The following SUCLG2 variants were observed in gnomAD, a reference collection of about 807,000 sequenced individuals.
SUCLG2 encodes the protein succinate--CoA ligase [GDP-forming] subunit beta, mitochondrial.
SUCLG2 carries 42 observed loss-of-function variants against 47.9 expected under a neutral mutation model. The observed-to-expected ratio is 0.88, with a 90% CI of 0.69 to 1.14. The LOEUF (loss-of-function observed/expected upper bound fraction) is 1.14, where lower values mean the gene tolerates loss of function less well. Among genes scored for constraint, SUCLG2 ranks in the 50% most tolerant of loss-of-function variants. SUCLG2 has a pLI of 0.00. For synonymous variants in SUCLG2, 195 were observed against 197.3 expected (o/e 0.99, Z 0.10); for missense variants, 571 against 525.9 (o/e 1.09, Z -0.84).
chr3:67,585,496 G>A, intron 2 of SUCLG2, among the ~76,000 whole-genome samples: 1 of 152,174 alleles, frequency 6.6e-6, no homozygotes, highest in Admixed American at 6.5e-5. Flanking sequence ...ATGATGCTTA[G>A]AGAGCAGGCA....
chr3:67,504,555 AGAATTCTTAATCTCTAGAC>A (rs1352699400), intron 7 of SUCLG2, among the ~76,000 whole-genome samples: 18 of 152,348 alleles, frequency 1.2e-4, no homozygotes, highest in South Asian at 6.2e-4. Flanking sequence ...CCCCAAAGCA[AGAATTCTTAATCTCTAGAC>A]TATGGACAGA....
intron 1 of SUCLG2, among the ~76,000 whole-genome samples, chr3:67,629,105 G>C (rs1293934838): frequency 6.6e-6 from 1 of 152,214 alleles, no homozygotes; most frequent in South Asian, 2.1e-4. Flanking sequence ...AATATGAAGA[G>C]AGGCTGAGCA....
At chr3:67,618,322 G>C (rs1033889490) in intron 1 of SUCLG2, among the ~76,000 whole-genome samples, 2 of 152,126 alleles carry the variant, frequency 1.3e-5, no homozygotes, top group East Asian at 1.9e-4. Flanking sequence ...GGGAGGCGGG[G>C]ACAGGAAAAT....
At chr3:67,484,174 T>C (rs1271319939) in intron 9 of SUCLG2, among the ~76,000 whole-genome samples, 2 of 152,216 alleles carry the variant, frequency 1.3e-5, no homozygotes, top group African/African-American at 4.8e-5. Context: ...GGCTGCTGGA[T>C]GGAACCTCAT....
intron 2 of SUCLG2, among the ~76,000 whole-genome samples, chr3:67,595,067 A>G (rs901582733): frequency 6.6e-6 from 1 of 152,224 alleles, no homozygotes; most frequent in African/African-American, 2.4e-5. Context: ...ATGAAATTAC[A>G]AGCCTTTAGT....
intron 1 of SUCLG2, among the ~76,000 whole-genome samples, chr3:67,643,301 T>C (rs1219397577): frequency 6.6e-6 from 1 of 152,158 alleles, no homozygotes; most frequent in East Asian, 1.9e-4. Flanking sequence ...GGGTAAATCA[T>C]TATCTTACTT....
intron 2 of SUCLG2, among the ~76,000 whole-genome samples, chr3:67,577,078 T>C (rs924768711): frequency 3.3e-5 from 5 of 152,306 alleles, no homozygotes; most frequent in Admixed American, 1.3e-4. Flanking sequence ...CTCACACCTG[T>C]AATCCCAGCA....
intron 9 of SUCLG2, among the ~76,000 whole-genome samples, chr3:67,441,350 A>G (rs1269540618): frequency 6.6e-6 from 1 of 151,444 alleles, no homozygotes; most frequent in African/African-American, 2.4e-5. Context: ...CATTCTGCAC[A>G]TGTATCTCAG....
intron 9 of SUCLG2, among the ~76,000 whole-genome samples, chr3:67,443,099 A>G (rs1703812822): frequency 6.6e-6 from 1 of 152,238 alleles, no homozygotes; most frequent in African/African-American, 2.4e-5. Context: ...CATAGCAAGT[A>G]CATTGTATGA....
intron 2 of SUCLG2, among the ~76,000 whole-genome samples, chr3:67,547,191 C>T (rs765315737): frequency 1.3e-5 from 2 of 152,160 alleles, no homozygotes; most frequent in African/African-American, 2.4e-5. Flanking sequence ...CCTTCTACCA[C>T]GTGAGGACAC....
chr3:67,550,477 G>C (rs1383072740), intron 2 of SUCLG2, among the ~76,000 whole-genome samples: 10 of 152,028 alleles, frequency 6.6e-5, no homozygotes, highest in African/African-American at 2.4e-4. Context: ...ACTGGGAGTA[G>C]CTGAGAACAC....
At chr3:67,591,690 T>C (rs548592927) in intron 2 of SUCLG2, among the ~76,000 whole-genome samples, 2 of 152,284 alleles carry the variant, frequency 1.3e-5, no homozygotes, top group South Asian at 4.1e-4. Flanking sequence ...AATTAAATCT[T>C]TTTTTCTTCC....
In SUCLG2 at chr3:67,410,522, G is replaced by A. The variant is rs543490833; in HGVS notation, c.1063-9671C>T. ...CTATTTTTTTACAGCCATAGTTCCC[G>A]TATCCTTTTGAACTGAGAATCAGAA... is the stretch of plus-strand genomic sequence containing the variant. On this transcript the variant is annotated intron_variant, in intron 9 of 10. Coordinates refer to ENST00000307227, the MANE Select transcript of SUCLG2 (RefSeq NM_003848.4). Among the ~76,000 whole-genome samples the A allele has an allele frequency of 2.6e-3, 390 of 152,218 alleles. 1 individual carries two copies. Among genetic ancestry groups the A allele is most frequent in the African/African-American group, 9.0e-3 (372 of 41,546 alleles).
intron 6 of SUCLG2, among the ~76,000 whole-genome samples, chr3:67,516,388 T>C (rs1317523415): frequency 2.0e-5 from 3 of 152,136 alleles, no homozygotes; most frequent in African/African-American, 7.2e-5. Flanking sequence ...ACTCTTAATT[T>C]TCTCGTATAA....
chr3:67,620,895 A>T (rs1038663959), intron 1 of SUCLG2, among the ~76,000 whole-genome samples: 1 of 152,222 alleles, frequency 6.6e-6, no homozygotes, highest in Non-Finnish European at 1.5e-5. Context: ...GCAAATACAG[A>T]GTTTAGACTT....
intron 1 of SUCLG2, among the ~76,000 whole-genome samples, chr3:67,642,601 C>G (rs1187535125): frequency 1.3e-5 from 2 of 152,170 alleles, no homozygotes; most frequent in Non-Finnish European, 2.9e-5. Flanking sequence ...GATGACACAA[C>G]AAGACCCCAT....
At chr3:67,467,879 T>C (rs934560775) in intron 9 of SUCLG2, among the ~76,000 whole-genome samples, 2 of 152,076 alleles carry the variant, frequency 1.3e-5, no homozygotes, top group Admixed American at 6.5e-5. Flanking sequence ...GGAATTCCAA[T>C]CAAGGCTTAC....
At chr3:67,537,215 C>A (rs1041419016) in intron 2 of SUCLG2, among the ~76,000 whole-genome samples, 2 of 152,018 alleles carry the variant, frequency 1.3e-5, no homozygotes, top group African/African-American at 4.8e-5. Context: ...CTCAGACCCT[C>A]CCCTACCCCC....
intron 1 of SUCLG2, among the ~76,000 whole-genome samples, chr3:67,618,881 G>A (rs1038796637): frequency 6.6e-6 from 1 of 152,120 alleles, no homozygotes; most frequent in Admixed American, 6.6e-5. Flanking sequence ...TAAAGTTCCC[G>A]CATCAAGAGA....
Sources: allele counts gnomAD v4.1 joint callset (sites outside exome capture counted in the v4.1 genomes callset), GRCh38; gene constraint gnomAD v4.1.1; transcripts MANE v1.5; gene names NCBI Gene and HGNC (gene_info 2026-07-23, HGNC 2026-07-21).